The following SCFD2 variants were observed in gnomAD, a reference collection of about 807,000 sequenced individuals.
SCFD2 encodes the protein sec1 family domain containing 2.
SCFD2 carries 54 observed loss-of-function variants against 58.9 expected under a neutral mutation model. The observed-to-expected ratio is 0.92, with a 90% CI of 0.74 to 1.15. The LOEUF (loss-of-function observed/expected upper bound fraction) is 1.15. SCFD2 is among the 50% of genes most tolerant of loss of function. The probability of loss-of-function intolerance (pLI) is 0.00; values close to 1 mark genes in which losing one functional copy is unlikely to be tolerated. For synonymous variants in SCFD2, 321 were observed against 335.9 expected (o/e 0.96, Z 0.49); for missense variants, 805 against 836.6 (o/e 0.96, Z 0.47).
chr4:53,230,781 T>TA (rs967212748), intron 4 of SCFD2, among the ~76,000 whole-genome samples: 12 of 151,608 alleles, frequency 7.9e-5, no homozygotes, highest in East Asian at 5.8e-4. Flanking sequence ...TAATAAAATT[T>TA]AAAAAAAAGA....
At chr4:52,977,510 G>A (rs1171620255) in intron 5 of SCFD2, among the ~76,000 whole-genome samples, 3 of 152,088 alleles carry the variant, frequency 2.0e-5, no homozygotes, top group Non-Finnish European at 4.4e-5. Flanking sequence ...GGGATCCTCT[G>A]AGCTCAAGGG....
intron 4 of SCFD2, among the ~76,000 whole-genome samples, chr4:53,228,152 C>T (rs1407110831): frequency 9.2e-5 from 14 of 152,122 alleles, no homozygotes; most frequent in African/African-American, 3.4e-4. Flanking sequence ...GCATTTAAGC[C>T]TAGTTCTTGT....
chr4:52,986,848 G>A (rs1027218532), intron 5 of SCFD2, among the ~76,000 whole-genome samples: 2 of 151,924 alleles, frequency 1.3e-5, no homozygotes, highest in Non-Finnish European at 2.9e-5. Context: ...TAGACTACAA[G>A]AAAGAATTCA....
intron 4 of SCFD2, among the ~76,000 whole-genome samples, chr4:53,259,781 G>T (rs1211292138): frequency 2.6e-5 from 4 of 152,050 alleles, no homozygotes; most frequent in Non-Finnish European, 5.9e-5. Flanking sequence ...GACAGAAATT[G>T]CACTGAATTT....
chr4:53,200,385 T>A (rs1011233622), intron 4 of SCFD2, among the ~76,000 whole-genome samples: 13 of 151,978 alleles, frequency 8.6e-5, no homozygotes, highest in African/African-American at 1.9e-4. Context: ...CTAAACCCAC[T>A]GTAGAATATA....
chr4:53,042,521 C>A (rs1317252852), intron 5 of SCFD2, among the ~76,000 whole-genome samples: 1 of 152,038 alleles, frequency 6.6e-6, no homozygotes, highest in Non-Finnish European at 1.5e-5. Context: ...ACTGGACTTC[C>A]TGGAAATTGG....
chr4:52,881,105 C>T (rs1458870760), intron 8 of SCFD2, among the ~76,000 whole-genome samples: 4 of 152,254 alleles, frequency 2.6e-5, no homozygotes, highest in African/African-American at 9.6e-5. Flanking sequence ...CATCTCCCAA[C>T]AGCCACAGGC....
chr4:53,237,951 G>A lies in SCFD2; in HGVS notation c.1311+35875C>T, dbSNP rs541450615. Among the ~76,000 whole-genome samples, 639 of 117,810 alleles carry A rather than the reference G, an allele frequency of 5.4e-3. 3 individuals carry two copies. Among genetic ancestry groups the A allele is most frequent in the Middle Eastern group, 0.021 (3 of 142 alleles). 77.3% of individuals were successfully genotyped at this position (117,810 alleles called of 152,430 possible). The stretch of plus-strand genomic sequence containing the variant: ...CCGGACGGGGCGGCTGGCCGGGCGA[G>A]GGGCTGACCCCCCCACCTCCCTCCC... On this transcript the variant is annotated intron_variant, in intron 4 of 8. Coordinates refer to ENST00000401642, the MANE Select transcript of SCFD2 (RefSeq NM_152540.4).
Position 53,156,381 on chromosome 4 carries a change from C to A in SCFD2, c.1312-10799G>T, listed in dbSNP as rs1191541653. Among the ~76,000 whole-genome samples, 15 of 127,068 alleles carry A rather than the reference C, an allele frequency of 1.2e-4. No homozygotes were observed. The East Asian group carries it at 3.2e-3, about 27-fold the overall frequency. The allele number at this position is 127,068 out of a possible 152,430, so 83.4% of individuals were successfully genotyped here. On this transcript the variant is annotated intron_variant, in intron 4 of 8. Transcript: ENST00000401642. The stretch of plus-strand genomic sequence containing the variant: ...TGCCATTGCACTCCAGCCTGGGTGA[C>A]AGAGTGAGACTCAACTCAAAAAAAA...
chr4:52,987,985 C>T (rs972595016), intron 5 of SCFD2, among the ~76,000 whole-genome samples: 2 of 152,168 alleles, frequency 1.3e-5, no homozygotes, highest in Non-Finnish European at 2.9e-5. Flanking sequence ...GTTGAAACGT[C>T]TGCGAAGATC....
chr4:52,930,588 A>G (rs1719968851), intron 5 of SCFD2, among the ~76,000 whole-genome samples: 1 of 152,186 alleles, frequency 6.6e-6, no homozygotes, highest in Non-Finnish European at 1.5e-5. Context: ...CTATTTCTAA[A>G]AATTTTCTCT....
intron 4 of SCFD2, among the ~76,000 whole-genome samples, chr4:53,164,619 C>G (rs1434861766): frequency 6.6e-6 from 1 of 151,966 alleles, no homozygotes; most frequent in Non-Finnish European, 1.5e-5. Flanking sequence ...CATGGCAAAA[C>G]CCCGTTTCCA....
At chr4:53,017,021 T>C (rs1248995103) in intron 5 of SCFD2, among the ~76,000 whole-genome samples, 3 of 152,098 alleles carry the variant, frequency 2.0e-5, no homozygotes, top group African/African-American at 7.2e-5. Flanking sequence ...GGCAGGAGAA[T>C]TGCTTGAACC....
At chr4:53,143,791 A>AACAT (rs1218698151) in intron 5 of SCFD2, among the ~76,000 whole-genome samples, 2 of 57,442 alleles carry the variant, frequency 3.5e-5, no homozygotes, top group East Asian at 1.3e-3. Context: ...CATACACCTA[A>AACAT]ACATACACAC....
chr4:53,154,372 G>A (rs977713850), intron 4 of SCFD2, among the ~76,000 whole-genome samples: 3 of 152,204 alleles, frequency 2.0e-5, no homozygotes, highest in East Asian at 1.9e-4. Context: ...AATGGAGGTC[G>A]GGGGAGCAGG....
intron 5 of SCFD2, among the ~76,000 whole-genome samples, chr4:53,034,426 C>T (rs1722704481): frequency 6.6e-6 from 1 of 152,110 alleles, no homozygotes; most frequent in African/African-American, 2.4e-5. Flanking sequence ...AACAAGGATG[C>T]CCACTCTAAC....
intron 5 of SCFD2, among the ~76,000 whole-genome samples, chr4:52,940,814 A>C (rs1374619861): frequency 6.6e-6 from 1 of 152,164 alleles, no homozygotes; most frequent in African/African-American, 2.4e-5. Flanking sequence ...CGAGCATTTT[A>C]AGGTAGAAAG....
intron 5 of SCFD2, among the ~76,000 whole-genome samples, chr4:52,931,941 T>C (rs1442894251): frequency 6.6e-6 from 1 of 152,172 alleles, no homozygotes; most frequent in Non-Finnish European, 1.5e-5. Flanking sequence ...ACGGGGATTC[T>C]ACCTGATGCA....
intron 4 of SCFD2, among the ~76,000 whole-genome samples, chr4:53,224,195 C>T (rs1729131395): frequency 6.6e-6 from 1 of 152,064 alleles, no homozygotes; most frequent in South Asian, 2.1e-4. Context: ...TCGAGACCAG[C>T]CTAACCAACA....
Sources: gnomAD v4.1 joint callset for allele counts (sites outside exome capture counted in the v4.1 genomes callset) on GRCh38, gnomAD v4.1.1 for gene constraint, MANE v1.5 for transcripts, NCBI Gene and HGNC (gene_info 2026-07-23, HGNC 2026-07-21) for gene names.